Variants in CADM2 observed in about 807,000 individuals in gnomAD.
CADM2 encodes immunoglobulin superfamily member 4D.
In CADM2, 12 loss-of-function variants were observed where a neutral mutation model predicts 49.8. The observed-to-expected ratio is 0.24, with a 90% CI of 0.15 to 0.39. The LOEUF (loss-of-function observed/expected upper bound fraction) is 0.39, where lower values mean the gene tolerates loss of function less well. Among genes scored for constraint, CADM2 ranks in the 10% least tolerant of loss-of-function variants. The pLI, the probability that CADM2 is intolerant of heterozygous loss-of-function variation, is 1.00. For synonymous variants in CADM2, 214 were observed against 175.4 expected (o/e 1.22, Z -1.74); for missense variants, 378 against 492.3 (o/e 0.77, Z 2.20).
intron 1 of CADM2, among the ~76,000 whole-genome samples, chr3:85,112,122 C>CA (rs1360591600): frequency 6.6e-6 from 1 of 151,742 alleles, no homozygotes; most frequent in African/African-American, 2.4e-5. Flanking sequence ...GATCAAGGTG[C>CA]AAAAAGTGTT....
At chr3:86,014,130 G>A (rs1017014064) in intron 8 of CADM2, 147 of 1,279,972 alleles carry the variant, frequency 1.1e-4, no homozygotes, top group Non-Finnish European at 1.5e-4. Context: ...ACGCAGGCAT[G>A]ATGCTTTTGA....
rs750307802 is a variant in CADM2, at chr3:85,227,984, A to C, written c.61+268316A>C. Among the ~76,000 whole-genome samples the C allele has an allele frequency of 3.7e-4, 57 of 152,190 alleles. 1 individual carries two copies. The Middle Eastern group carries it at 0.01, about 27-fold the overall frequency. On this transcript the variant is annotated intron_variant, in intron 1 of 9. Transcript: ENST00000383699. Reference sequence around the variant, plus strand: ...TGGCCCCCATTCTCTTCTGGCTTATAGAGTTTCTGCTGTTGTTCTTATGGG... The same window carrying C: ...TGGCCCCCATTCTCTTCTGGCTTATCGAGTTTCTGCTGTTGTTCTTATGGG...
rs750266974 is a variant in CADM2 at position 85,912,446 on chromosome 3, G to T, written c.603G>T (p.Val201=). ...FTVSSTLDFR[V]DRSDDGVAVI... The stretch of plus-strand genomic sequence containing the variant: ...TCAGCAGCACACTGGACTTCCGAGT[G>T]GACCGGAGTGATGATGGAGTGGCGG... Residue 201 remains valine (V), a synonymous_variant, in exon 6 of 10, where the codon GTG becomes GTT. Transcript: ENST00000383699. The T allele has an allele frequency of 1.2e-6, 2 of 1,614,024 alleles. No individual in the cohort carries two copies. Among genetic ancestry groups the T allele is most frequent in the Admixed American group, 1.7e-5 (1 of 59,998 alleles).
intron 1 of CADM2, among the ~76,000 whole-genome samples, chr3:85,352,778 A>G (rs1242852697): frequency 6.6e-6 from 1 of 152,156 alleles, no homozygotes; most frequent in African/African-American, 2.4e-5. Flanking sequence ...ACCATGTCAA[A>G]TCCAACCTAG....
At chr3:86,008,134 T>C (rs973633577) in intron 8 of CADM2, among the ~76,000 whole-genome samples, 3 of 152,160 alleles carry the variant, frequency 2.0e-5, no homozygotes, top group Non-Finnish European at 2.9e-5. Context: ...AATTTTTTTT[T>C]CCAAAGTTGA....
At chr3:85,365,130 T>C (rs1290731607) in intron 1 of CADM2, among the ~76,000 whole-genome samples, 1 of 151,494 alleles carries the variant, frequency 6.6e-6, no homozygotes, top group Non-Finnish European at 1.5e-5. Context: ...GGTTTTTCTA[T>C]TTAAAAAAAT....
At chr3:85,345,201 C>T (rs2107211160) in intron 1 of CADM2, among the ~76,000 whole-genome samples, 1 of 150,082 alleles carries the variant, frequency 6.7e-6, no homozygotes, top group East Asian at 2.0e-4. Context: ...ATAATCACAG[C>T]TACTCGGGGA....
intron 6 of CADM2, among the ~76,000 whole-genome samples, chr3:85,924,258 A>T (rs988579219): frequency 6.6e-6 from 1 of 152,152 alleles, no homozygotes; most frequent in Non-Finnish European, 1.5e-5. Context: ...GAACTGTTTC[A>T]AATGCACTTA....
intron 1 of CADM2, among the ~76,000 whole-genome samples, chr3:85,407,654 G>C (rs1483928500): frequency 6.6e-6 from 1 of 152,040 alleles, no homozygotes; most frequent in Non-Finnish European, 1.5e-5. Flanking sequence ...AGCAGCAGTG[G>C]TACCTCTTCC....
chr3:85,462,298 C>T lies in CADM2; in HGVS notation c.62-264224C>T, dbSNP rs188367168. Among the ~76,000 whole-genome samples the T allele has an allele frequency of 2.6e-5, 4 of 152,228 alleles. No homozygotes were observed. In the East Asian group the frequency reaches 7.7e-4, roughly 29 times the overall value. ...GTGAATTTAACTCTAATGACTTTAT[C>T]CCCCAGGAATAGAACAGCTGTAGTG... On this transcript the variant is annotated intron_variant, in intron 1 of 9. Transcript: ENST00000383699.
At chr3:85,952,367 T>C (rs930551345) in intron 7 of CADM2, among the ~76,000 whole-genome samples, 2 of 150,990 alleles carry the variant, frequency 1.3e-5, no homozygotes, top group East Asian at 3.9e-4. Context: ...ATGTGCTCTT[T>C]TGTTTTCTTT....
At chr3:85,565,448 G>C (rs1158794739) in intron 1 of CADM2, among the ~76,000 whole-genome samples, 1 of 151,898 alleles carries the variant, frequency 6.6e-6, no homozygotes, top group African/African-American at 2.4e-5. Flanking sequence ...TACAACTTCA[G>C]GATACTTCTA....
intron 2 of CADM2, among the ~76,000 whole-genome samples, chr3:85,733,803 T>C (rs1159168473): frequency 6.6e-6 from 1 of 152,148 alleles, no homozygotes. Flanking sequence ...ACATCTCATC[T>C]GAAAGGCAAG....
rs1021287885 is a variant in CADM2, at chr3:86,067,558, C to A, written c.*775C>A. On this transcript the variant is annotated 3_prime_UTR_variant, in exon 10 of 10. Transcript: ENST00000383699. ...AATCACAAATATTTAATTCATTTCT[C>A]TAATTTGATTCTATAATTTATTTGC... is the stretch of plus-strand genomic sequence containing the variant. 6.6e-5 allele frequency: 10 copies of A among 152,448 alleles called. No homozygotes were observed. Among genetic ancestry groups the A allele is most frequent in the African/African-American group, 2.2e-4 (9 of 41,414 alleles). 9.4% of individuals were successfully genotyped at this position (152,448 alleles called of 1,614,324 possible).
intron 1 of CADM2, among the ~76,000 whole-genome samples, chr3:85,401,622 C>A (rs1263951178): frequency 6.6e-6 from 1 of 152,148 alleles, no homozygotes; most frequent in Non-Finnish European, 1.5e-5. Context: ...TAAGAACTTG[C>A]TAGTTTCAAT....
chr3:85,660,659 G>T (rs576420873), intron 1 of CADM2, among the ~76,000 whole-genome samples: 35 of 152,092 alleles, frequency 2.3e-4, no homozygotes, highest in African/African-American at 8.4e-4. Context: ...GGGGCAGGTT[G>T]ATCCCTGTGG....
intron 1 of CADM2, among the ~76,000 whole-genome samples, chr3:85,170,186 G>A (rs2040582953): frequency 6.6e-6 from 1 of 151,974 alleles, no homozygotes; most frequent in African/African-American, 2.4e-5. Flanking sequence ...TCCATGTCTG[G>A]GTCAGATTTT....
chr3:85,657,190 C>G (rs1408122713), intron 1 of CADM2, among the ~76,000 whole-genome samples: 1 of 152,096 alleles, frequency 6.6e-6, no homozygotes, highest in Non-Finnish European at 1.5e-5. Flanking sequence ...GTGTGCTCTT[C>G]AAGATGATAC....
intron 1 of CADM2, among the ~76,000 whole-genome samples, chr3:85,063,549 A>C (rs2036414882): frequency 6.6e-6 from 1 of 152,026 alleles, no homozygotes; most frequent in Non-Finnish European, 1.5e-5. Context: ...AAACAGGATA[A>C]ACTTATAAAA....
Sources: allele counts gnomAD v4.1 joint callset (sites outside exome capture counted in the v4.1 genomes callset), GRCh38; gene constraint gnomAD v4.1.1; transcripts MANE v1.5; gene names NCBI Gene and HGNC (gene_info 2026-07-23, HGNC 2026-07-21).